PDGFB: variants seen among roughly 807,000 people sequenced by gnomAD.
PDGFB encodes platelet derived growth factor subunit B.
A neutral mutation model predicts 29.0 loss-of-function variants in PDGFB; 6 were observed. That is an observed-to-expected ratio of 0.21 (90% CI 0.11 to 0.41). The LOEUF (loss-of-function observed/expected upper bound fraction) is 0.41. Ranked by LOEUF, PDGFB falls within the 10% of genes least tolerant of loss-of-function variation. The pLI is 1.00. For synonymous variants in PDGFB, 144 were observed against 140.8 expected (o/e 1.02, Z -0.16); for missense variants, 299 against 341.8 (o/e 0.87, Z 0.99).
At chr22:39,236,438 G>A (rs569331668) in intron 1 of PDGFB, among the ~76,000 whole-genome samples, 1 of 152,338 alleles carries the variant, frequency 6.6e-6, no homozygotes, top group African/African-American at 2.4e-5. Context: ...CCAGGTCCTA[G>A]CGGTATCTAT....
chr22:39,243,108 G>C lies in PDGFB; in HGVS notation c.63+793C>G, dbSNP rs1435212665. 1 of 233,052 alleles carries C rather than the reference G, an allele frequency of 4.3e-6. No individual in the cohort carries two copies. The highest frequency in any genetic ancestry group is 8.5e-6 in the Non-Finnish European group (1 of 118,020). The allele number at this position is 233,052 out of a possible 1,614,324, so 14.4% of individuals were successfully genotyped here. A position where few individuals can be genotyped will look rare whatever the true frequency, so the allele number is the denominator to read the frequency against. ...AGAGGTGCTTCCTCCTGCAGGGCGC[G>C]GGCACAGGTACGGCAAGGCCTCAGG... On this transcript the variant is annotated intron_variant, in intron 1 of 6. Transcript: ENST00000331163. The surrounding 1 kb of genome is among the most constrained non-coding windows in gnomAD (Gnocchi z 6.4).
At chr22:39,225,644 A>T (rs1932145675) in intron 6 of PDGFB, 51 bp downstream of exon 6, 1 of 1,529,606 alleles carries the variant, frequency 6.5e-7, no homozygotes, top group Admixed American at 1.9e-5. Context: ...CACAGACCAC[A>T]GAGAAGAAAA....
Position 39,225,806 on chromosome 22 carries a change from C to T in PDGFB, c.643G>A (p.Val215Ile), listed in dbSNP as rs2146429473. 6.2e-7 allele frequency: 1 copy of T among 1,614,108 alleles called. No individual in the cohort carries two copies. The highest frequency in any genetic ancestry group is 8.5e-7 in the Non-Finnish European group (1 of 1,179,978). The change falls in exon 6 of 7, where the codon GTC (valine) becomes ATC (isoleucine). Residue 215 changes from valine (V) to isoleucine (I), a missense_variant. Coordinates refer to ENST00000331163, the MANE Select transcript of PDGFB (RefSeq NM_002608.4). The stretch of plus-strand genomic sequence containing the variant: ...TGCTTGCCCTTGGGGGGCCGGCGGA[C>T]TCGCACCGTCCGAATGGTCACCCGA... Reference protein sequence around the residue: ...QTRVTIRTVRVRRPPKGKHRK... With the variant: ...QTRVTIRTVRIRRPPKGKHRK...
intron 5 of PDGFB, among the ~76,000 whole-genome samples, chr22:39,228,549 T>C (rs1932220437): frequency 1.3e-5 from 2 of 151,810 alleles, no homozygotes; most frequent in Non-Finnish European, 2.9e-5. Context: ...GCTATGATCA[T>C]GCCATTGCAC....
intron 1 of PDGFB, among the ~76,000 whole-genome samples, chr22:39,237,146 G>C (rs1932464757): frequency 6.6e-6 from 1 of 152,068 alleles, no homozygotes; most frequent in South Asian, 2.1e-4. Context: ...GAGGAGAAGA[G>C]GTCGTCTCAG....
intron 5 of PDGFB, among the ~76,000 whole-genome samples, chr22:39,226,586 TG>T (rs1248405995): frequency 3.9e-5 from 6 of 152,232 alleles, no homozygotes; most frequent in African/African-American, 1.4e-4. Context: ...CCCCCAGACC[TG>T]GGAAAGATAA....
chr22:39,225,997 C>T, intron 5 of PDGFB, 150 bp from the exon 6 acceptor site: 1 of 811,326 alleles, frequency 1.2e-6, no homozygotes, highest in Non-Finnish European at 1.9e-6. Context: ...CCCAACTCCA[C>T]TGCTCACCAG....
intron 3 of PDGFB, among the ~76,000 whole-genome samples, chr22:39,232,237 G>A (rs577446287): frequency 2.6e-5 from 4 of 152,336 alleles, no homozygotes; most frequent in South Asian, 2.1e-4. Flanking sequence ...GAAACCACGC[G>A]TGCACTGCTG....
In PDGFB at chr22:39,233,480, A is replaced by G; in HGVS notation, c.205T>C (p.Ser69Pro). Reference protein sequence around the residue: ...ELDLNMTRSHSGGELESLARG... With the variant: ...ELDLNMTRSHPGGELESLARG... ...GCCAAGCTCTCCAGCTCGCCTCCAG[A>G]GTGGGAGCGGGTCATGTTCAGGTCC... Residue 69 changes from serine (S) to proline (P), a missense_variant, in exon 3 of 7, where the codon TCT (serine) becomes CCT (proline). Physicochemically the swap from Ser to Pro is moderately conservative, Grantham distance 74. Coordinates refer to ENST00000331163, the MANE Select transcript of PDGFB (RefSeq NM_002608.4). 6.3e-7 allele frequency: 1 copy of G among 1,594,528 alleles called. No individual in the cohort carries two copies. Among genetic ancestry groups the G allele is most frequent in the Non-Finnish European group, 8.5e-7 (1 of 1,171,380 alleles).
In PDGFB at chr22:39,244,199, G is replaced by A; in HGVS notation, c.-236C>T. 7.4e-6 allele frequency: 2 copies of A among 271,246 alleles called. No individual in the cohort carries two copies. The highest frequency in any genetic ancestry group is 1.4e-5 in the Non-Finnish European group (2 of 144,232). The allele number at this position is 271,246 out of a possible 1,614,324, so 16.8% of individuals were successfully genotyped here. A position where few individuals can be genotyped will look rare whatever the true frequency, so the allele number is the denominator to read the frequency against. On this transcript the variant is annotated 5_prime_UTR_variant, in exon 1 of 7. Transcript: ENST00000331163. This position sits in a 1 kb window ranked among gnomAD's most constrained non-coding sequence, Gnocchi z 4.5. ...CCTGGGCGCAGGACCTGGGTCCGAG[G>A]CCGCTACCTGGGCGGATCCCGAGCC...
rs979485046 is a variant in PDGFB at position 39,232,097 on chromosome 22, G to A, written c.251-270C>T. 3.3e-5 allele frequency among the ~76,000 whole-genome samples: 5 copies of A among 152,254 alleles called. No individual in the cohort carries two copies. In the South Asian group the frequency reaches 1.0e-3, roughly 32 times the overall value. ...CAAGTGAGAAAATTCAGAGTGTGGG[G>A]CATGTTGTAAATGCTTAGTAAATGT... is the stretch of plus-strand genomic sequence containing the variant. On this transcript the variant is annotated intron_variant, in intron 3 of 6. Transcript: ENST00000331163.
intron 2 of PDGFB, 76 bp downstream of exon 2, chr22:39,235,702 G>T: frequency 1.0e-6 from 1 of 1,001,722 alleles, no homozygotes; most frequent in Non-Finnish European, 1.5e-6. Context: ...AAGGAGGGAT[G>T]CCTCCTGTCC....
Position 39,242,569 on chromosome 22 carries a change from CCGCGGAAGGGCGGGGCCCCCGGGCGGG to C in PDGFB, c.63+1305_63+1331del, listed in dbSNP as rs1398504708. On this transcript the variant is annotated intron_variant, in intron 1 of 6. Coordinates refer to ENST00000331163, the MANE Select transcript of PDGFB (RefSeq NM_002608.4). The surrounding 1 kb of genome is among the most constrained non-coding windows in gnomAD (Gnocchi z 5.7). ...CCCGGGTGCGGGCCGCGGGGGGCGG[CCGCGGAAGGGCGGGGCCCCCGGGCGGG>C]CGGCCTGCGGCCCTCGAGGAGCCCC... Among the ~76,000 whole-genome samples the C allele has an allele frequency of 6.6e-6, 1 of 150,600 alleles. No homozygotes were observed. Among genetic ancestry groups the C allele is most frequent in the Non-Finnish European group, 1.5e-5 (1 of 67,494 alleles).
intron 1 of PDGFB, among the ~76,000 whole-genome samples, chr22:39,236,394 A>G: frequency 6.6e-6 from 1 of 152,204 alleles, no homozygotes; most frequent in Admixed American, 6.5e-5. Context: ...GGTGCTTAAT[A>G]AACGCGTGCA....
chr22:39,236,896 A>G (rs1177923047), intron 1 of PDGFB, among the ~76,000 whole-genome samples: 2 of 152,206 alleles, frequency 1.3e-5, no homozygotes, highest in Non-Finnish European at 2.9e-5. Flanking sequence ...CTCGGGCTGC[A>G]CGGTCTGGAC....
intron 5 of PDGFB, 64 bp downstream of exon 5, chr22:39,230,020 C>T (rs1026599830): frequency 2.2e-5 from 35 of 1,558,878 alleles, no homozygotes; most frequent in Middle Eastern, 1.8e-4. Flanking sequence ...TTTTTAAGAC[C>T]GGCCCCTGCC....
At position 39,244,080 on chromosome 22, in the gene PDGFB, A is replaced by C. The variant is rs917707766; in HGVS notation, c.-117T>G. 5 of 511,826 alleles carry C rather than the reference A, an allele frequency of 9.8e-6. No individual in the cohort carries two copies. The highest frequency in any genetic ancestry group is 1.6e-5 in the Non-Finnish European group (5 of 319,548). The allele number at this position is 511,826 out of a possible 1,614,324, so 31.7% of individuals were successfully genotyped here. A position where few individuals can be genotyped will look rare whatever the true frequency, so the allele number is the denominator to read the frequency against. Reference sequence around the variant, plus strand: ...GGCTCGGCTCGGGTCCGCGGCGATCAGGCGCTCAGGCCTCTGCAGCCGCGG... The same window carrying C: ...GGCTCGGCTCGGGTCCGCGGCGATCCGGCGCTCAGGCCTCTGCAGCCGCGG... On this transcript the variant is annotated 5_prime_UTR_variant, in exon 1 of 7. It removes the in-frame stop codon of an upstream open reading frame in the 5' UTR. Transcript: ENST00000331163. This position sits in a 1 kb window ranked among gnomAD's most constrained non-coding sequence, Gnocchi z 4.5.
intron 1 of PDGFB, chr22:39,240,795 T>C: frequency 6.3e-7 from 1 of 1,584,708 alleles, no homozygotes; most frequent in Non-Finnish European, 8.7e-7. Flanking sequence ...TAGGAAGAGT[T>C]GTCACAGAAG....
chr22:39,230,253 C>T, intron 4 of PDGFB, 25 bp from the exon 5 acceptor site: 3 of 1,612,676 alleles, frequency 1.9e-6, no homozygotes, highest in Non-Finnish European at 2.5e-6. Flanking sequence ...CACAAAATGC[C>T]TCTGTAGAGA....
Sources: allele counts gnomAD v4.1 joint callset (sites outside exome capture counted in the v4.1 genomes callset), GRCh38; gene constraint gnomAD v4.1.1; non-coding constraint Gnocchi (gnomAD v3.1); transcripts MANE v1.5; gene names NCBI Gene and HGNC (gene_info 2026-07-23, HGNC 2026-07-21).